The following GRK5 variants were observed in gnomAD, a reference collection of about 807,000 sequenced individuals.
GRK5 encodes g protein-coupled receptor kinase GRK5.
A neutral mutation model predicts 78.4 loss-of-function variants in GRK5; 40 were observed. The ratio of observed to expected loss-of-function variants is 0.51; its 90% CI spans 0.40 to 0.66. The LOEUF (loss-of-function observed/expected upper bound fraction) is 0.66, where lower values mean the gene tolerates loss of function less well. Ranked by LOEUF, GRK5 falls within the 30% of genes least tolerant of loss-of-function variation. The probability of loss-of-function intolerance (pLI) is 0.00; values close to 1 mark genes in which losing one functional copy is unlikely to be tolerated. For synonymous variants in GRK5, 289 were observed against 296.8 expected (o/e 0.97, Z 0.27); for missense variants, 598 against 759.9 (o/e 0.79, Z 2.50).
chr10:119,212,832 T>C (rs1176456267), intron 1 of GRK5: 2 of 152,156 alleles, frequency 1.3e-5, no homozygotes, highest in East Asian at 3.9e-4. Context: ...AGCACCCATT[T>C]CTCACATCAA....
At chr10:119,273,580 T>G (rs1443748127) in intron 1 of GRK5, among the ~76,000 whole-genome samples, 1 of 152,134 alleles carries the variant, frequency 6.6e-6, no homozygotes, top group Non-Finnish European at 1.5e-5. Context: ...AGGCCACAAG[T>G]GTGGATGGGC....
chr10:119,422,867 C>G (rs1245053397), intron 4 of GRK5, among the ~76,000 whole-genome samples: 2 of 152,190 alleles, frequency 1.3e-5, no homozygotes, highest in Non-Finnish European at 2.9e-5. Context: ...CTCAGAGAAG[C>G]CAAGTGACCT....
chr10:119,403,924 C>T (rs548965846), intron 4 of GRK5, among the ~76,000 whole-genome samples: 160 of 152,290 alleles, frequency 1.1e-3, no homozygotes, highest in Non-Finnish European at 1.8e-3. Context: ...CACGAGCCAC[C>T]GTGTCCAACC....
At chr10:119,297,617 G>A (rs975531642) in intron 1 of GRK5, among the ~76,000 whole-genome samples, 1 of 152,182 alleles carries the variant, frequency 6.6e-6, no homozygotes, top group Non-Finnish European at 1.5e-5. Context: ...ACTCAGGAGC[G>A]GGTTTGTTAT....
At chr10:119,240,015 A>G (rs1848996763) in intron 1 of GRK5, among the ~76,000 whole-genome samples, 1 of 152,006 alleles carries the variant, frequency 6.6e-6, no homozygotes. Context: ...ATAATTTATA[A>G]TCCTTTGGGT....
chr10:119,257,395 C>T (rs1849306147), intron 1 of GRK5, among the ~76,000 whole-genome samples: 1 of 152,178 alleles, frequency 6.6e-6, no homozygotes, highest in African/African-American at 2.4e-5. Context: ...AGGGTGGCAC[C>T]ATCGCAGGTG....
At chr10:119,261,772 G>T (rs1286924915) in intron 1 of GRK5, among the ~76,000 whole-genome samples, 1 of 152,234 alleles carries the variant, frequency 6.6e-6, no homozygotes, top group African/African-American at 2.4e-5. Flanking sequence ...GGCGGCGCGC[G>T]CCTGCAATTG....
rs149246906 is a variant in GRK5, at chr10:119,221,939, G to T, written c.52+13970G>T. On this transcript the variant is annotated intron_variant, in intron 1 of 15. Coordinates refer to ENST00000392870, the MANE Select transcript of GRK5 (RefSeq NM_005308.3). ...GAAATTAAGGTTGAGTTCAGTCAAA[G>T]ACTTTAGTTGTAGATGACTTTTCAG... is the stretch of plus-strand genomic sequence containing the variant. Among the ~76,000 whole-genome samples, 5 of 152,274 alleles carry T rather than the reference G, an allele frequency of 3.3e-5. No homozygotes were observed. In the East Asian group the frequency reaches 9.6e-4, roughly 29 times the overall value.
At chr10:119,296,301 C>T (rs1316145103) in intron 1 of GRK5, among the ~76,000 whole-genome samples, 1 of 152,210 alleles carries the variant, frequency 6.6e-6, no homozygotes, top group Non-Finnish European at 1.5e-5. Context: ...CAGCAGACAC[C>T]CTCCATCAGT....
intron 2 of GRK5, among the ~76,000 whole-genome samples, chr10:119,353,932 C>CTTTTTTTT (rs761463283): frequency 9.2e-6 from 1 of 108,732 alleles, no homozygotes; most frequent in African/African-American, 3.5e-5. Context: ...TTTTTTCTTT[C>CTTTTTTTT]TTTTTTTTTT....
intron 1 of GRK5, among the ~76,000 whole-genome samples, chr10:119,317,507 G>A (rs1850511604): frequency 6.6e-6 from 1 of 152,120 alleles, no homozygotes; most frequent in Non-Finnish European, 1.5e-5. Flanking sequence ...GACCCCTCAA[G>A]GCCGCAGCTG....
rs1853417235 is a variant in GRK5, at chr10:119,457,454, G to A, written c.*2387G>A. 1 of 152,202 alleles carries A rather than the reference G, an allele frequency of 6.6e-6. No homozygotes were observed. Among genetic ancestry groups the A allele is most frequent in the Non-Finnish European group, 1.5e-5 (1 of 68,050 alleles). 9.4% of individuals were successfully genotyped at this position (152,202 alleles called of 1,614,324 possible). On this transcript the variant is annotated 3_prime_UTR_variant, in exon 16 of 16. Coordinates refer to ENST00000392870, the MANE Select transcript of GRK5 (RefSeq NM_005308.3). ...GCACGTGGACTCTATGATAACTTGA[G>A]TCTTCCATCATGTTTGCCACCAGCC...
chr10:119,360,036 A>AGAGGGAGGTGGAGGGAGACT (rs1205780702), intron 2 of GRK5, among the ~76,000 whole-genome samples: 1 of 128,690 alleles, frequency 7.8e-6, no homozygotes, highest in African/African-American at 3.0e-5. Flanking sequence ...TGAGGGAGGT[A>AGAGGGAGGTGGAGGGAGACT]GAGGGAGGTG....
intron 1 of GRK5, among the ~76,000 whole-genome samples, chr10:119,321,485 C>T (rs1194913492): frequency 1.3e-5 from 2 of 152,204 alleles, no homozygotes; most frequent in African/African-American, 2.4e-5. Flanking sequence ...GGCCCCTTCC[C>T]ATCTTCCAAG....
intron 1 of GRK5, among the ~76,000 whole-genome samples, chr10:119,256,533 C>T (rs936902245): frequency 1.3e-5 from 2 of 152,198 alleles, no homozygotes; most frequent in Non-Finnish European, 2.9e-5. Context: ...GTATTTCCTG[C>T]TGCTCTCTGG....
intron 1 of GRK5, among the ~76,000 whole-genome samples, chr10:119,256,283 C>A (rs78250805): frequency 0.021 from 3,197 of 152,214 alleles, 57 homozygotes; most frequent in Admixed American, 0.054. Context: ...GCGGACCCCC[C>A]CACACACCTC....
At chr10:119,405,252 G>A (rs1180857431) in intron 4 of GRK5, among the ~76,000 whole-genome samples, 1 of 152,114 alleles carries the variant, frequency 6.6e-6, no homozygotes, top group Non-Finnish European at 1.5e-5. Flanking sequence ...GTCCTTCTGT[G>A]GGGTACTGGG....
intron 4 of GRK5, among the ~76,000 whole-genome samples, chr10:119,403,942 A>AT (rs1450291247): frequency 6.6e-6 from 1 of 152,034 alleles, no homozygotes; most frequent in Non-Finnish European, 1.5e-5. Context: ...ACCTGCTTCT[A>AT]TTTTTTGTTT....
chr10:119,403,857 A>T (rs1445160831), intron 4 of GRK5, among the ~76,000 whole-genome samples: 1 of 151,734 alleles, frequency 6.6e-6, no homozygotes, highest in African/African-American at 2.4e-5. Flanking sequence ...CTGGTCTCGA[A>T]CTCCTGGCCT....
Sources: gnomAD v4.1 joint callset for allele counts (sites outside exome capture counted in the v4.1 genomes callset) on GRCh38, gnomAD v4.1.1 for gene constraint, MANE v1.5 for transcripts, NCBI Gene and HGNC (gene_info 2026-07-23, HGNC 2026-07-21) for gene names.